The following SPIDR variants were observed in gnomAD, a reference collection of about 807,000 sequenced individuals.
SPIDR encodes the protein DNA repair-scaffolding protein.
SPIDR carries 93 observed loss-of-function variants against 104.6 expected under a neutral mutation model. That is an observed-to-expected ratio of 0.89 (90% confidence interval 0.75 to 1.06). The LOEUF is 1.06. SPIDR is among the 50% of genes least tolerant of loss of function. SPIDR has a pLI of 0.00. For missense variants in SPIDR, 1,154 were observed against 1,111.2 expected (o/e 1.04, Z -0.55); for synonymous variants, 431 against 416.9 (o/e 1.03, Z -0.41).
At chr8:47,532,569 A>C (rs1040420608) in intron 8 of SPIDR, among the ~76,000 whole-genome samples, 2 of 152,256 alleles carry the variant, frequency 1.3e-5, no homozygotes, top group African/African-American at 4.8e-5. Context: ...AAAAAGGATC[A>C]GTTCTCCAAG....
intron 8 of SPIDR, among the ~76,000 whole-genome samples, chr8:47,560,741 A>G (rs1055955988): frequency 6.6e-5 from 10 of 151,976 alleles, no homozygotes; most frequent in South Asian, 2.1e-4. Flanking sequence ...CTGTTCTCCT[A>G]TCCTTCCTTT....
At chr8:47,472,644 A>G (rs2075861270) in intron 8 of SPIDR, among the ~76,000 whole-genome samples, 1 of 152,144 alleles carries the variant, frequency 6.6e-6, no homozygotes, top group Admixed American at 6.5e-5. Context: ...TACTTTTTCT[A>G]TCTAGAGCAC....
intron 11 of SPIDR, among the ~76,000 whole-genome samples, chr8:47,685,524 T>TTTTTTTTTTTA (rs2077694262): frequency 1.3e-5 from 2 of 149,240 alleles, no homozygotes; most frequent in Non-Finnish European, 3.0e-5. Flanking sequence ...TTTATTTTTT[T>TTTTTTTTTTTA]GAGACAGTCT....
intron 5 of SPIDR, chr8:47,357,958 G>A: frequency 1.5e-6 from 1 of 668,886 alleles, no homozygotes; most frequent in Non-Finnish European, 1.8e-6. Context: ...TATATGTGTG[G>A]TTTACATTCA....
intron 5 of SPIDR, among the ~76,000 whole-genome samples, chr8:47,322,412 G>A (rs2046833585): frequency 6.6e-6 from 1 of 152,288 alleles, no homozygotes; most frequent in African/African-American, 2.4e-5. Flanking sequence ...CAGTTAGAAT[G>A]GCAGTCATTA....
intron 8 of SPIDR, among the ~76,000 whole-genome samples, chr8:47,525,291 G>C (rs535379788): frequency 2.0e-5 from 3 of 152,308 alleles, no homozygotes; most frequent in Admixed American, 1.3e-4. Flanking sequence ...CTGCCTTGTC[G>C]TCACAAGATT....
chr8:47,290,225 T>C (rs944937336), intron 3 of SPIDR, among the ~76,000 whole-genome samples: 8 of 152,298 alleles, frequency 5.3e-5, no homozygotes, highest in African/African-American at 1.7e-4. Flanking sequence ...GTATTTTTAG[T>C]AGAGACAGGG....
chr8:47,521,119 G>A (rs916013344), intron 8 of SPIDR, among the ~76,000 whole-genome samples: 2 of 152,190 alleles, frequency 1.3e-5, no homozygotes, highest in Non-Finnish European at 1.5e-5. Flanking sequence ...GGGGTGATAC[G>A]TCACAAAGAT....
At chr8:47,731,227 T>A (rs1176716141) in intron 19 of SPIDR, among the ~76,000 whole-genome samples, 1 of 149,786 alleles carries the variant, frequency 6.7e-6, no homozygotes, top group Non-Finnish European at 1.5e-5. Context: ...TACTCCAGCC[T>A]GGGCGACAGA....
At chr8:47,591,334 A>G (rs2060986620) in intron 8 of SPIDR, among the ~76,000 whole-genome samples, 1 of 151,616 alleles carries the variant, frequency 6.6e-6, no homozygotes, top group South Asian at 2.1e-4. Flanking sequence ...GGTATTACAT[A>G]TATGTAACTT....
chr8:47,713,055 C>T, intron 15 of SPIDR, 183 bp downstream of exon 15: 2 of 1,362,888 alleles, frequency 1.5e-6, no homozygotes, highest in Non-Finnish European at 1.9e-6. Context: ...GCCACCTGGG[C>T]AGAACCAGCT....
intron 8 of SPIDR, among the ~76,000 whole-genome samples, chr8:47,476,403 T>C (rs1331434453): frequency 5.9e-5 from 9 of 152,140 alleles, no homozygotes; most frequent in African/African-American, 1.4e-4. Context: ...TGAGGAGATA[T>C]GAAAATACCA....
intron 8 of SPIDR, among the ~76,000 whole-genome samples, chr8:47,478,127 A>G (rs1000331658): frequency 3.9e-5 from 6 of 152,242 alleles, no homozygotes; most frequent in African/African-American, 1.4e-4. Context: ...AGGCACAAGG[A>G]GTACCAGAGG....
In SPIDR at chr8:47,611,559, A is replaced by G. The variant is rs553447375; in HGVS notation, c.1544+12363A>G. Among the ~76,000 whole-genome samples, 7 of 152,156 alleles carry G rather than the reference A, an allele frequency of 4.6e-5. No homozygotes were observed. In the South Asian group the frequency reaches 8.3e-4, roughly 18 times the overall value. On this transcript the variant is annotated intron_variant, in intron 10 of 19. Transcript: ENST00000297423. ...TAAAAATACAAAAAATTAGCCAGGC[A>G]TGGTGGCTGGTGCCTGTAGTCCCAG...
intron 8 of SPIDR, among the ~76,000 whole-genome samples, chr8:47,572,395 G>C (rs2058623563): frequency 6.6e-6 from 1 of 152,146 alleles, no homozygotes; most frequent in African/African-American, 2.4e-5. Flanking sequence ...CGGGCACGGT[G>C]GCTCATGCCT....
intron 8 of SPIDR, among the ~76,000 whole-genome samples, chr8:47,550,307 T>C (rs2090230508): frequency 6.6e-6 from 1 of 152,206 alleles, no homozygotes; most frequent in Non-Finnish European, 1.5e-5. Context: ...GTGAAGAAAG[T>C]CATTGGTAGC....
intron 10 of SPIDR, among the ~76,000 whole-genome samples, chr8:47,630,657 C>G (rs769411631): frequency 8.5e-5 from 13 of 152,150 alleles, no homozygotes; most frequent in Non-Finnish European, 1.6e-4. Context: ...GGCAATAGGA[C>G]TTAAGAGGAC....
chr8:47,554,963 A>G (rs1298208239), intron 8 of SPIDR, among the ~76,000 whole-genome samples: 1 of 152,214 alleles, frequency 6.6e-6, no homozygotes, highest in Non-Finnish European at 1.5e-5. Flanking sequence ...ATTTGGAAAT[A>G]CCAGACTTTT....
chr8:47,409,087 G>A (rs1184479616), intron 7 of SPIDR, among the ~76,000 whole-genome samples: 1 of 152,194 alleles, frequency 6.6e-6, no homozygotes, highest in Non-Finnish European at 1.5e-5. Flanking sequence ...ACGGGAGGCT[G>A]AGGCAAGAGA....
Sources: allele counts gnomAD v4.1 joint callset (sites outside exome capture counted in the v4.1 genomes callset), GRCh38; gene constraint gnomAD v4.1.1; transcripts MANE v1.5; gene names NCBI Gene and HGNC (gene_info 2026-07-23, HGNC 2026-07-21).